FAT3: variants seen among roughly 807,000 people sequenced by gnomAD.
FAT3 encodes protocadherin Fat 3.
A neutral mutation model predicts 310.2 loss-of-function variants in FAT3; 95 were observed. The ratio of observed to expected loss-of-function variants is 0.31; its 90% CI spans 0.26 to 0.36. The LOEUF is 0.36. FAT3 is among the 10% of genes least tolerant of loss of function. The pLI is 1.00. For missense variants in FAT3, 5,408 were observed against 5,715.6 expected, an observed-to-expected ratio of 0.95 and a Z score of 1.74; for synonymous variants, 2,314 against 2,192.9, an observed-to-expected ratio of 1.06 and a Z score of -1.54.
intron 2 of FAT3, among the ~76,000 whole-genome samples, chr11:92,356,070 A>G (rs990768575): frequency 6.6e-6 from 1 of 152,212 alleles, no homozygotes; most frequent in Admixed American, 6.5e-5. Flanking sequence ...AATATGGGGC[A>G]ACATTGTTCC....
intron 2 of FAT3, among the ~76,000 whole-genome samples, chr11:92,524,229 A>G: frequency 6.6e-6 from 1 of 152,108 alleles, no homozygotes; most frequent in East Asian, 1.9e-4. Context: ...AAGTCAATTC[A>G]ATATCAGGTC....
chr11:92,600,656 A>G (rs1176300405), intron 3 of FAT3, among the ~76,000 whole-genome samples: 1 of 152,218 alleles, frequency 6.6e-6, no homozygotes, highest in Non-Finnish European at 1.5e-5. Flanking sequence ...TAAGCCAATC[A>G]AGGTTTGTGC....
chr11:92,306,791 A>G (rs1221461623), intron 1 of FAT3, among the ~76,000 whole-genome samples: 2 of 134,862 alleles, frequency 1.5e-5, no homozygotes. Flanking sequence ...TATAAATTAT[A>G]TATATATAAA....
chr11:92,857,442 C>T (rs1949009428), intron 20 of FAT3, 94 bp downstream of exon 20: 18 of 1,546,778 alleles, frequency 1.2e-5, no homozygotes, highest in South Asian at 3.7e-5. Context: ...TCCCAGAAAA[C>T]GTTTCTTTAT....
chr11:92,715,058 CAA>C (rs529155356), intron 4 of FAT3, among the ~76,000 whole-genome samples: 7 of 133,378 alleles, frequency 5.2e-5, no homozygotes, highest in African/African-American at 5.5e-5. Flanking sequence ...TAGCCTCCTC[CAA>C]AAAAAAAAAG....
chr11:92,371,486 CG>C (rs1301620582), intron 2 of FAT3, among the ~76,000 whole-genome samples: 4 of 152,134 alleles, frequency 2.6e-5, no homozygotes, highest in African/African-American at 4.8e-5. Flanking sequence ...GGAAGCGAGG[CG>C]GGTGGATCAC....
intron 13 of FAT3, among the ~76,000 whole-genome samples, chr11:92,830,716 G>A (rs1948222929): frequency 6.6e-6 from 1 of 151,984 alleles, no homozygotes; most frequent in South Asian, 2.1e-4. Context: ...TAGTCTTTCT[G>A]CAGCCCTCCC....
At chr11:92,508,878 T>C (rs1565371256) in intron 2 of FAT3, among the ~76,000 whole-genome samples, 3 of 152,188 alleles carry the variant, frequency 2.0e-5, no homozygotes, top group Admixed American at 6.6e-5. Flanking sequence ...AAAATGTTCT[T>C]GCTTGAAGAG....
intron 2 of FAT3, among the ~76,000 whole-genome samples, chr11:92,429,889 G>A (rs1040002227): frequency 6.6e-6 from 1 of 152,092 alleles, no homozygotes; most frequent in Non-Finnish European, 1.5e-5. Flanking sequence ...TCTTTGTGGT[G>A]TTCTCTCTAT....
chr11:92,465,735 G>T (rs1434386519), intron 2 of FAT3, among the ~76,000 whole-genome samples: 1 of 152,110 alleles, frequency 6.6e-6, no homozygotes, highest in Non-Finnish European at 1.5e-5. Flanking sequence ...CAGGCAGAGG[G>T]ATAGCATTCG....
intron 3 of FAT3, among the ~76,000 whole-genome samples, chr11:92,556,209 G>A (rs1172975772): frequency 1.3e-5 from 2 of 152,292 alleles, no homozygotes; most frequent in African/African-American, 2.4e-5. Flanking sequence ...GCATAACCTG[G>A]AGGAAGAGGA....
chr11:92,809,204 T>C (rs541666097), intron 12 of FAT3, among the ~76,000 whole-genome samples: 1 of 152,256 alleles, frequency 6.6e-6, no homozygotes, highest in South Asian at 2.1e-4. Context: ...AGGAACTGCT[T>C]TTCCATGCTC....
chr11:92,679,350 A>G (rs925132259), intron 3 of FAT3, among the ~76,000 whole-genome samples: 1 of 151,920 alleles, frequency 6.6e-6, no homozygotes, highest in African/African-American at 2.4e-5. Context: ...TAGTAGTTCT[A>G]TTTTTAGGTA....
intron 13 of FAT3, among the ~76,000 whole-genome samples, chr11:92,821,271 C>A (rs1222751146): frequency 6.6e-6 from 1 of 152,228 alleles, no homozygotes; most frequent in South Asian, 2.1e-4. Context: ...AGATTATCAT[C>A]ACTTCAGCCT....
intron 3 of FAT3, among the ~76,000 whole-genome samples, chr11:92,541,515 G>A (rs1414574018): frequency 5.3e-5 from 8 of 152,114 alleles, no homozygotes; most frequent in Admixed American, 3.9e-4. Context: ...GACATAGTCT[G>A]CAAGTTGTCA....
At chr11:92,724,555 A>G (rs1325186489) in intron 4 of FAT3, among the ~76,000 whole-genome samples, 1 of 152,218 alleles carries the variant, frequency 6.6e-6, no homozygotes, top group Non-Finnish European at 1.5e-5. Context: ...AAGTCACTTC[A>G]ACACTACAGC....
rs773263301 is a variant in FAT3, at chr11:92,355,423, G to A, written c.3292+19G>A. The A allele has an allele frequency of 6.3e-7, 1 of 1,586,786 alleles. No homozygotes were observed. The highest frequency in any genetic ancestry group is 1.3e-5 in the African/African-American group (1 of 74,200). On this transcript the variant is annotated intron_variant, in intron 2 of 27. Coordinates refer to ENST00000525166, the MANE Select transcript of FAT3 (RefSeq NM_001367949.2). ...GAGAGTGGTAAGTGTAATATTTTGT[G>A]CCAAGAGTGTTGTTTCACCTCTTTT...
intron 3 of FAT3, among the ~76,000 whole-genome samples, chr11:92,570,716 A>G (rs1936935095): frequency 6.6e-6 from 1 of 152,210 alleles, no homozygotes; most frequent in Non-Finnish European, 1.5e-5. Flanking sequence ...TCTATACAGC[A>G]TTTTTCATGC....
At chr11:92,526,672 A>G (rs565940952) in intron 3 of FAT3, among the ~76,000 whole-genome samples, 34 of 152,310 alleles carry the variant, frequency 2.2e-4, no homozygotes, top group Admixed American at 1.9e-3. Context: ...TTTCTTTTAT[A>G]TGGCTTTTAA....
Sources: allele counts gnomAD v4.1 joint callset (sites outside exome capture counted in the v4.1 genomes callset), GRCh38; gene constraint gnomAD v4.1.1; transcripts MANE v1.5; gene names NCBI Gene and HGNC (gene_info 2026-07-23, HGNC 2026-07-21).